CNKSR3: variants seen among roughly 807,000 people sequenced by gnomAD.
The protein encoded by CNKSR3 is connector enhancer of kinase suppressor of ras 3.
In CNKSR3, 36 loss-of-function variants were observed where a neutral mutation model predicts 67.7. That is an observed-to-expected ratio of 0.53 (90% CI 0.41 to 0.70). The LOEUF is 0.70. CNKSR3 is among the 30% of genes least tolerant of loss of function. The pLI is 0.00. For synonymous variants in CNKSR3, 281 were observed against 271.4 expected, an observed-to-expected ratio of 1.04 and a Z score of -0.35; for missense variants, 630 against 695.2, an observed-to-expected ratio of 0.91 and a Z score of 1.05.
At chr6:154,464,937 C>T (rs377214595) in intron 1 of CNKSR3, among the ~76,000 whole-genome samples, 2 of 151,234 alleles carry the variant, frequency 1.3e-5, no homozygotes, top group African/African-American at 4.9e-5. Flanking sequence ...GTCAGGAGTT[C>T]GAGACCAGCC....
intron 10 of CNKSR3, among the ~76,000 whole-genome samples, chr6:154,412,841 A>G (rs1190756826): frequency 6.6e-6 from 1 of 152,190 alleles, no homozygotes; most frequent in African/African-American, 2.4e-5. Context: ...TTATAACCTA[A>G]TCATATATTT....
In CNKSR3 at chr6:154,476,026, A is replaced by AT. The variant is rs113359539; in HGVS notation, c.53-25769dup. Among the ~76,000 whole-genome samples the AT allele has an allele frequency of 1.7e-3, 255 of 147,980 alleles. 1 individual carries two copies. The highest frequency in any genetic ancestry group is 6.9e-3 in the Middle Eastern group (2 of 288). On this transcript the variant is annotated intron_variant, in intron 1 of 12. Transcript: ENST00000607772. ...TGATGCCAGCAGAAGTAATAATATCATTTTTTTTTTTCGGATATGGATGGT... is the reference window on the plus strand; with the variant it reads ...TGATGCCAGCAGAAGTAATAATATCATTTTTTTTTTTTCGGATATGGATGGT...
intron 2 of CNKSR3, among the ~76,000 whole-genome samples, chr6:154,443,148 T>A (rs1785638309): frequency 6.6e-6 from 1 of 151,972 alleles, no homozygotes; most frequent in Non-Finnish European, 1.5e-5. Context: ...AATGCCCCCC[T>A]CGGCCTCTCA....
At chr6:154,492,841 A>C (rs1002404840) in intron 1 of CNKSR3, among the ~76,000 whole-genome samples, 1 of 151,882 alleles carries the variant, frequency 6.6e-6, no homozygotes, top group Non-Finnish European at 1.5e-5. Context: ...CTATCCTTCC[A>C]ATTCCTTGGA....
intron 1 of CNKSR3, among the ~76,000 whole-genome samples, chr6:154,454,761 G>C (rs1380596942): frequency 6.6e-6 from 1 of 151,434 alleles, no homozygotes; most frequent in East Asian, 2.0e-4. Context: ...GGCTCAAGCT[G>C]TTCTCCTGCC....
At chr6:154,470,854 C>A (rs1355402279) in intron 1 of CNKSR3, among the ~76,000 whole-genome samples, 1 of 152,200 alleles carries the variant, frequency 6.6e-6, no homozygotes, top group Non-Finnish European at 1.5e-5. Flanking sequence ...TGAGGAACTG[C>A]CAAACTGTTT....
In CNKSR3 at chr6:154,406,555, G is replaced by A. The variant is rs374956113; in HGVS notation, c.1467C>T (p.Thr489=). ...SPPYRFSRPT[T]ERHLVRGADY... Reference sequence around the variant, plus strand: ...CCGCACCCCGGACCAGATGCCGCTCGGTCGTGGGTCTGGAGAACCGGTATG... The same window carrying A: ...CCGCACCCCGGACCAGATGCCGCTCAGTCGTGGGTCTGGAGAACCGGTATG... The change falls in exon 13 of 13, where the codon ACC becomes ACT. Residue 489 remains threonine, a synonymous_variant. Transcript: ENST00000607772. 8.7e-6 allele frequency: 14 copies of A among 1,614,106 alleles called. No homozygotes were observed. The highest frequency in any genetic ancestry group is 1.0e-5 in the Non-Finnish European group (12 of 1,180,044).
At chr6:154,457,360 G>C (rs536437962) in intron 1 of CNKSR3, among the ~76,000 whole-genome samples, 1 of 152,194 alleles carries the variant, frequency 6.6e-6, no homozygotes, top group East Asian at 1.9e-4. Context: ...TTAATTTTCA[G>C]GACTAGTTGA....
At chr6:154,470,820 T>C (rs1786313840) in intron 1 of CNKSR3, among the ~76,000 whole-genome samples, 1 of 152,212 alleles carries the variant, frequency 6.6e-6, no homozygotes. Context: ...AACTGTTGAG[T>C]CATGTGGTAA....
chr6:154,509,074 C>T (rs911740549), intron 1 of CNKSR3, among the ~76,000 whole-genome samples: 1 of 151,930 alleles, frequency 6.6e-6, no homozygotes, highest in Non-Finnish European at 1.5e-5. Flanking sequence ...GAACACCATT[C>T]CTCACCTGGA....
At chr6:154,462,863 A>G (rs1786110119) in intron 1 of CNKSR3, among the ~76,000 whole-genome samples, 1 of 152,226 alleles carries the variant, frequency 6.6e-6, no homozygotes, top group South Asian at 2.1e-4. Flanking sequence ...CTCCCGCCAC[A>G]GAGGGCCAGG....
intron 2 of CNKSR3, among the ~76,000 whole-genome samples, chr6:154,447,739 T>C (rs144127355): frequency 6.6e-6 from 1 of 152,322 alleles, no homozygotes; most frequent in Non-Finnish European, 1.5e-5. Flanking sequence ...ATTTCCTGTC[T>C]ATCATAAAAT....
intron 1 of CNKSR3, among the ~76,000 whole-genome samples, chr6:154,476,318 G>A (rs754966353): frequency 1.1e-4 from 16 of 152,150 alleles, no homozygotes; most frequent in Non-Finnish European, 2.1e-4. Flanking sequence ...TTAGCTGTGC[G>A]TGCTGGCAGG....
chr6:154,489,856 C>T (rs1032404439), intron 1 of CNKSR3, among the ~76,000 whole-genome samples: 5 of 152,140 alleles, frequency 3.3e-5, no homozygotes, highest in African/African-American at 9.7e-5. Flanking sequence ...AATTCCTAAT[C>T]GTTCATCAGC....
rs1784651097 is a variant in CNKSR3 at position 154,395,403 on chromosome 6, TTTTAA to T, written c.*10946_*10950del. On this transcript the variant is annotated 3_prime_UTR_variant, in exon 13 of 13. Coordinates refer to ENST00000607772, the MANE Select transcript of CNKSR3 (RefSeq NM_173515.4). The stretch of plus-strand genomic sequence containing the variant: ...TATTTAACCACCCAGGATCTCTTTA[TTTTAA>T]TTTGTTTTCTTTGTTGAACTGCATC... The T allele has an allele frequency of 6.6e-6, 1 of 152,286 alleles. No homozygotes were observed. 9.4% of individuals were successfully genotyped at this position (152,286 alleles called of 1,614,324 possible).
At chr6:154,483,460 G>T (rs886558954) in intron 1 of CNKSR3, among the ~76,000 whole-genome samples, 21 of 151,618 alleles carry the variant, frequency 1.4e-4, no homozygotes, top group Admixed American at 9.9e-4. Context: ...AATCCTCTTA[G>T]TTTTCTAAAT....
intron 1 of CNKSR3, among the ~76,000 whole-genome samples, chr6:154,468,975 C>A (rs1315680054): frequency 6.6e-6 from 1 of 152,094 alleles, no homozygotes; most frequent in Non-Finnish European, 1.5e-5. Context: ...GAGCTAAGAT[C>A]GTGCCACTGC....
At chr6:154,496,867 C>T (rs1232622215) in intron 1 of CNKSR3, among the ~76,000 whole-genome samples, 1 of 152,132 alleles carries the variant, frequency 6.6e-6, no homozygotes, top group Non-Finnish European at 1.5e-5. Flanking sequence ...TTTTATCAGG[C>T]CAAACTTACC....
In CNKSR3 at chr6:154,442,464, C is replaced by T. The variant is rs911913835; in HGVS notation, c.217-174G>A. On this transcript the variant is annotated intron_variant, in intron 2 of 12. Transcript: ENST00000607772. ...GGTGAAACCCCGTCTCTACTAAAAA[C>T]ACAAAAAATTAGCCGGGCGTGGTGG... Among the ~76,000 whole-genome samples the T allele has an allele frequency of 2.9e-4, 44 of 151,928 alleles. 1 individual carries two copies. The highest frequency in any genetic ancestry group is 8.5e-4 in the Admixed American group (13 of 15,254).
Sources: gnomAD v4.1 joint callset for allele counts (sites outside exome capture counted in the v4.1 genomes callset) on GRCh38, gnomAD v4.1.1 for gene constraint, MANE v1.5 for transcripts, NCBI Gene and HGNC (gene_info 2026-07-23, HGNC 2026-07-21) for gene names.